PCDHGB1: variants seen among roughly 807,000 people sequenced by gnomAD.
PCDHGB1 encodes protocadherin gamma subfamily B, 1, also known as protocadherin gamma-B1.
Under a neutral mutation model 56.6 loss-of-function variants are expected in PCDHGB1, and 34 were observed. That is an observed-to-expected ratio of 0.60 (90% confidence interval 0.46 to 0.80). PCDHGB1 has a LOEUF of 0.80. PCDHGB1 is among the 30% of genes least tolerant of loss of function. The pLI, the probability that PCDHGB1 is intolerant of heterozygous loss-of-function variation, is 0.00. For synonymous variants in PCDHGB1, 561 were observed against 505.9 expected, an observed-to-expected ratio of 1.11 and a Z score of -1.46; for missense variants, 1,278 against 1,204.6, an observed-to-expected ratio of 1.06 and a Z score of -0.90.
At chr5:141,372,077 G>A (rs533920380) in intron 1 of PCDHGB1, 223 of 1,613,592 alleles carry the variant, frequency 1.4e-4, no homozygotes, top group Non-Finnish European at 1.8e-4. Context: ...ATGCACCGCT[G>A]GTGCTGTACC....
chr5:141,382,422 C>A (rs1778191772), intron 1 of PCDHGB1, among the ~76,000 whole-genome samples: 1 of 152,092 alleles, frequency 6.6e-6, no homozygotes, highest in Admixed American at 6.5e-5. Context: ...AGTCAGTGCC[C>A]AAAAGAGTCA....
At chr5:141,505,604 G>T (rs772730114) in intron 3 of PCDHGB1, 123 bp downstream of exon 3, 1 of 1,535,418 alleles carries the variant, frequency 6.5e-7, no homozygotes, top group Non-Finnish European at 8.8e-7. Flanking sequence ...CTTTCGGCAG[G>T]TCTGAAAGGA....
At chr5:141,365,648 T>C in intron 1 of PCDHGB1, 1 of 1,613,486 alleles carries the variant, frequency 6.2e-7, no homozygotes, top group East Asian at 2.2e-5. Context: ...CCACATCCCC[T>C]TGAAAGTAGC....
At chr5:141,399,957 C>T in intron 1 of PCDHGB1, 5 of 1,612,212 alleles carry the variant, frequency 3.1e-6, no homozygotes, top group South Asian at 1.1e-5. Flanking sequence ...CTAGCGAGCC[C>T]GGGCTCTTCA....
At chr5:141,492,218 T>C (rs2099738354) in intron 1 of PCDHGB1, among the ~76,000 whole-genome samples, 1 of 152,114 alleles carries the variant, frequency 6.6e-6, no homozygotes. Flanking sequence ...GCGGGGCTCA[T>C]GCGTGTCCTC....
At chr5:141,376,652 C>T (rs1030026607) in intron 1 of PCDHGB1, 3 of 877,708 alleles carry the variant, frequency 3.4e-6, no homozygotes, top group East Asian at 2.7e-5. Context: ...AAGTGGAAGA[C>T]TCCCTTGTTC....
chr5:141,412,923 G>A, intron 1 of PCDHGB1: 1 of 420,946 alleles, frequency 2.4e-6, no homozygotes, highest in East Asian at 3.6e-5. Flanking sequence ...CTTGGGTGCA[G>A]TAACTTCTTA....
intron 1 of PCDHGB1, chr5:141,419,468 C>T: frequency 6.2e-7 from 1 of 1,612,484 alleles, no homozygotes; most frequent in Non-Finnish European, 8.5e-7. Flanking sequence ...GGCCCGCGAC[C>T]AGGGCTCGCC....
In PCDHGB1 at chr5:141,351,427, A is replaced by G; in HGVS notation, c.1167A>G (p.Lys389=). 1 of 1,611,398 alleles carries G rather than the reference A, an allele frequency of 6.2e-7. No homozygotes were observed. Among genetic ancestry groups the G allele is most frequent in the Non-Finnish European group, 8.5e-7 (1 of 1,178,280 alleles). ...ATACTCAGGAAGAAGTTCCTTTCAA[A>G]TTAGAATCCACCTCGAAGAATTATT... is the stretch of plus-strand genomic sequence containing the variant. ...TCYTQEEVPF[K]LESTSKNYYK... Residue 389 remains lysine (K), a synonymous_variant, in exon 1 of 4, where the codon AAA becomes AAG. Coordinates refer to ENST00000523390, the MANE Select transcript of PCDHGB1 (RefSeq NM_018922.3).
intron 1 of PCDHGB1, among the ~76,000 whole-genome samples, chr5:141,406,621 A>G (rs2094831746): frequency 6.6e-6 from 1 of 152,172 alleles, no homozygotes; most frequent in African/African-American, 2.4e-5. Flanking sequence ...TTTTATTCTC[A>G]TATCTTCAAA....
rs766865642 is a variant in PCDHGB1, at chr5:141,400,084, A to G, written c.2409+47415A>G. 34 of 1,613,852 alleles carry G rather than the reference A, an allele frequency of 2.1e-5. No homozygotes were observed. The highest frequency in any genetic ancestry group is 2.0e-4 in the Admixed American group (12 of 60,006). On this transcript the variant is annotated intron_variant, in intron 1 of 3. Transcript: ENST00000523390. The stretch of plus-strand genomic sequence containing the variant: ...TGGTGGACAGCCGCCACTCTCCGCC[A>G]CCGCCACGCTGCACTTGGTCTTTGC...
At chr5:141,449,215 T>C (rs2098631967) in intron 1 of PCDHGB1, among the ~76,000 whole-genome samples, 2 of 152,170 alleles carry the variant, frequency 1.3e-5, no homozygotes, top group Non-Finnish European at 2.9e-5. Context: ...ACTTTCTGTT[T>C]TGAAATGATT....
Position 141,489,999 on chromosome 5 carries a change from GA to G in PCDHGB1, c.2410-4806del. On this transcript the variant is annotated intron_variant, in intron 1 of 3. Transcript: ENST00000523390. The surrounding 1 kb of genome is among the most constrained non-coding windows in gnomAD (Gnocchi z 4.5). ...CAGTTCTACGTGTGGGAATCCCAGA[GA>G]ATGCACCCATTGGTACTCTGCTGCT... 1 of 1,614,242 alleles carries G rather than the reference GA, an allele frequency of 6.2e-7. No individual in the cohort carries two copies. Among genetic ancestry groups the G allele is most frequent in the Non-Finnish European group, 8.5e-7 (1 of 1,180,032 alleles).
At chr5:141,419,316 G>T in intron 1 of PCDHGB1, 2 of 1,613,994 alleles carry the variant, frequency 1.2e-6, no homozygotes, top group Non-Finnish European at 1.7e-6. Context: ...CTCAACGGCC[G>T]TGTCTCCTAC....
intron 1 of PCDHGB1, chr5:141,390,094 T>G: frequency 1.2e-6 from 2 of 1,614,048 alleles, no homozygotes; most frequent in Non-Finnish European, 1.7e-6. Flanking sequence ...GAATCCGTGG[T>G]TCCCCCCAAC....
intron 1 of PCDHGB1, chr5:141,370,476 G>A: frequency 6.2e-7 from 1 of 1,613,686 alleles, no homozygotes; most frequent in Non-Finnish European, 8.5e-7. Flanking sequence ...GTTAGACCAG[G>A]CTCTCTCCGA....
In PCDHGB1 at chr5:141,403,434, A is replaced by C. The variant is rs774605332; in HGVS notation, c.2409+50765A>C. On this transcript the variant is annotated intron_variant, in intron 1 of 3. Transcript: ENST00000523390. ...CCACTTCCAGAAGCTATTGATCCGGATGTTGGCGTGAACTCCCTCCAGAGC... is the reference window on the plus strand; with the variant it reads ...CCACTTCCAGAAGCTATTGATCCGGCTGTTGGCGTGAACTCCCTCCAGAGC... The C allele has an allele frequency of 1.9e-6, 3 of 1,614,024 alleles. No individual in the cohort carries two copies. In the South Asian group the frequency reaches 3.3e-5, roughly 18 times the overall value.
chr5:141,352,603 T>C lies in PCDHGB1; in HGVS notation c.2343T>C (p.Pro781=). ...APPQDLLCDD[P]SMVVCASNED... ...CTCAGGATCTGCTGTGTGATGATCC[T>C]TCTATGGTTGTATGTGCCAGTAATG... Residue 781 remains proline (P), a synonymous_variant, in exon 1 of 4, where the codon CCT becomes CCC. Transcript: ENST00000523390. 1 of 1,613,760 alleles carries C rather than the reference T, an allele frequency of 6.2e-7. No individual in the cohort carries two copies. The highest frequency in any genetic ancestry group is 1.3e-5 in the African/African-American group (1 of 75,066).
In PCDHGB1 at chr5:141,487,161, T is replaced by G; in HGVS notation, c.2410-7646T>G. ...CTCTCTACCTCTGTTACTCTCTTAGTGTCCTTAGAGGAAGACACTCATCCA... is the reference window on the plus strand; with the variant it reads ...CTCTCTACCTCTGTTACTCTCTTAGGGTCCTTAGAGGAAGACACTCATCCA... On this transcript the variant is annotated intron_variant, in intron 1 of 3. Transcript: ENST00000523390. The surrounding 1 kb of genome is among the most constrained non-coding windows in gnomAD (Gnocchi z 5.0). The G allele has an allele frequency of 6.2e-7, 1 of 1,613,528 alleles. No individual in the cohort carries two copies. The highest frequency in any genetic ancestry group is 1.1e-5 in the South Asian group (1 of 91,072).
Sources: gnomAD v4.1 joint callset for allele counts (sites outside exome capture counted in the v4.1 genomes callset) on GRCh38, gnomAD v4.1.1 for gene constraint, Gnocchi (gnomAD v3.1) non-coding constraint, MANE v1.5 for transcripts, NCBI Gene and HGNC (gene_info 2026-07-23, HGNC 2026-07-21) for gene names.